Variants in CYP46A1 observed in about 807,000 individuals in gnomAD.
CYP46A1 encodes cholesterol 24-hydroxylase.
In CYP46A1, 20 loss-of-function variants were observed where a neutral mutation model predicts 63.3. The observed-to-expected ratio is 0.32, with a 90% CI of 0.22 to 0.46. CYP46A1 has a LOEUF of 0.46. CYP46A1 is among the 20% of genes least tolerant of loss of function. The probability of loss-of-function intolerance (pLI) is 1.00; values close to 1 mark genes in which losing one functional copy is unlikely to be tolerated. For synonymous variants in CYP46A1, 268 were observed against 273.6 expected, an observed-to-expected ratio of 0.98 and a Z score of 0.20; for missense variants, 445 against 670.8, an observed-to-expected ratio of 0.66 and a Z score of 3.72.
At chr14:99,720,459 CTTTTTTTTT>C (rs34168201) in intron 10 of CYP46A1, among the ~76,000 whole-genome samples, 1 of 127,386 alleles carries the variant, frequency 7.9e-6, no homozygotes, top group Admixed American at 8.4e-5. Flanking sequence ...CAGATCCACT[CTTTTTTTTT>C]TTTTTTTTTG....
intron 1 of CYP46A1, among the ~76,000 whole-genome samples, chr14:99,689,182 T>C (rs1282905082): frequency 6.6e-6 from 1 of 152,082 alleles, no homozygotes; most frequent in Non-Finnish European, 1.5e-5. Context: ...AACTTCCTGC[T>C]CAATAGTCCA....
Position 99,727,094 on chromosome 14 carries a change from CCCT to C in CYP46A1, c.*372_*374del, listed in dbSNP as rs2140147230. The C allele has an allele frequency of 4.1e-6, 1 of 242,630 alleles. No homozygotes were observed. The highest frequency in any genetic ancestry group is 7.6e-5 in the East Asian group (1 of 13,244). The allele number at this position is 242,630 out of a possible 1,614,324, so 15.0% of individuals were successfully genotyped here. ...CTTGCCACCCCCCGCCGGCAGGGGC[CCCT>C]CCTCTGTGCTCCCTCGGTCACCTGT... On this transcript the variant is annotated 3_prime_UTR_variant, in exon 15 of 15. Coordinates refer to ENST00000261835, the MANE Select transcript of CYP46A1 (RefSeq NM_006668.2).
intron 3 of CYP46A1, among the ~76,000 whole-genome samples, chr14:99,692,602 G>A (rs2140114442): frequency 6.6e-6 from 1 of 150,842 alleles, no homozygotes; most frequent in South Asian, 2.1e-4. Context: ...GGCTGAGGCT[G>A]GTGGATCACC....
chr14:99,684,767 C>T (rs1283556347), intron 1 of CYP46A1: 19 of 624,894 alleles, frequency 3.0e-5, no homozygotes, highest in Middle Eastern at 2.5e-4. Context: ...GTGATGGCAG[C>T]CACAGCCCTT....
At chr14:99,691,601 A>T in intron 2 of CYP46A1, 179 bp from the exon 3 acceptor site, 1 of 615,264 alleles carries the variant, frequency 1.6e-6, no homozygotes, top group East Asian at 2.8e-5. Context: ...TGACTCGGCA[A>T]GTGAGCAACA....
chr14:99,692,882 T>G (rs1367549436), intron 3 of CYP46A1, among the ~76,000 whole-genome samples: 2 of 151,930 alleles, frequency 1.3e-5, no homozygotes, highest in African/African-American at 4.8e-5. Flanking sequence ...CAGGTGGCAT[T>G]GTCTGTCCTG....
At chr14:99,702,846 G>T (rs2056643976) in intron 5 of CYP46A1, among the ~76,000 whole-genome samples, 1 of 152,092 alleles carries the variant, frequency 6.6e-6, no homozygotes, top group African/African-American at 2.4e-5. Flanking sequence ...ATCTAATACT[G>T]TTATCTAATT....
intron 6 of CYP46A1, among the ~76,000 whole-genome samples, chr14:99,707,349 A>G (rs923373371): frequency 6.6e-6 from 1 of 152,240 alleles, no homozygotes; most frequent in Non-Finnish European, 1.5e-5. Flanking sequence ...TTGTCAAGGA[A>G]GAAAGCCAAG....
intron 5 of CYP46A1, among the ~76,000 whole-genome samples, chr14:99,701,004 C>T (rs2056626316): frequency 6.6e-6 from 1 of 151,858 alleles, no homozygotes. Context: ...TTTTTCACAA[C>T]AAAGTTTTAA....
chr14:99,726,951 C>A lies in CYP46A1; in HGVS notation c.*224C>A. The A allele has an allele frequency of 4.6e-6, 2 of 432,588 alleles. No individual in the cohort carries two copies. The highest frequency in any genetic ancestry group is 8.1e-6 in the Non-Finnish European group (2 of 246,356). The allele number at this position is 432,588 out of a possible 1,614,324, so 26.8% of individuals were successfully genotyped here. Reference sequence around the variant, plus strand: ...GACTGGCCCTTGCCCAACTCCCAGCCACCACCACTGTCCCTACCACTGAGC... The same window carrying A: ...GACTGGCCCTTGCCCAACTCCCAGCAACCACCACTGTCCCTACCACTGAGC... On this transcript the variant is annotated 3_prime_UTR_variant, in exon 15 of 15. Coordinates refer to ENST00000261835, the MANE Select transcript of CYP46A1 (RefSeq NM_006668.2).
rs369066335 is a variant in CYP46A1, at chr14:99,726,683, C to A, written c.1459C>A (p.Arg487=). ...ACTGGACCCCGTGCTGTGCACCCTG[C>A]GGCCCCGCGGCTGGCAGCCCGCACC... ...KPLDPVLCTL[R]PRGWQPAPPP... The change falls in exon 15 of 15, where the codon CGG becomes AGG. Residue 487 remains arginine, a synonymous_variant. Coordinates refer to ENST00000261835, the MANE Select transcript of CYP46A1 (RefSeq NM_006668.2). The A allele has an allele frequency of 1.3e-6, 2 of 1,547,974 alleles. No individual in the cohort carries two copies. Among genetic ancestry groups the A allele is most frequent in the South Asian group, 2.4e-5 (2 of 83,764 alleles).
In CYP46A1 at chr14:99,716,157, G is replaced by A. The variant is rs761184361; in HGVS notation, c.865G>A (p.Asp289Asn). The A allele has an allele frequency of 6.2e-7, 1 of 1,614,250 alleles. No homozygotes were observed. Residue 289 changes from aspartate to asparagine, a missense_variant, in exon 9 of 15, where the codon GAC becomes AAC. Around this residue, in one of 4 missense-constraint regions of CYP46A1, gnomAD observed 13 missense variants for 50.5 expected, o/e 0.26. Transcript: ENST00000261835. ...TTCAGCTGAAGAGGGAGCCCAGGAC[G>A]ACGAGGGTCTGCTGGACAACTTCGT... ...ILKAEEGAQDDEGLLDNFVTF... is the reference protein window; with the variant it reads ...ILKAEEGAQDNEGLLDNFVTF...
chr14:99,692,365 C>G (rs1007263021), intron 3 of CYP46A1, among the ~76,000 whole-genome samples: 1 of 152,214 alleles, frequency 6.6e-6, no homozygotes, highest in South Asian at 2.1e-4. Flanking sequence ...ATGGTGAAAC[C>G]TCATCTCTAC....
chr14:99,707,833 T>G, intron 7 of CYP46A1, 155 bp downstream of exon 7: 3 of 616,808 alleles, frequency 4.9e-6, no homozygotes, highest in South Asian at 2.1e-5. Flanking sequence ...TTGCATGCAT[T>G]GCCTAAAGTA....
In CYP46A1 at chr14:99,726,158, G is replaced by A. The variant is rs1276027428; in HGVS notation, c.1266-32G>A. On this transcript the variant is annotated intron_variant, in intron 13 of 14. Coordinates refer to ENST00000261835, the MANE Select transcript of CYP46A1 (RefSeq NM_006668.2). ...TGTTCCTGTGGGGACGCCTGGGGCT[G>A]CTGGCCTCGTGATTCCTCTCTTTCC... 4.4e-6 allele frequency: 7 copies of A among 1,598,898 alleles called. No homozygotes were observed. In the African/African-American group the frequency reaches 5.4e-5, roughly 12 times the overall value.
intron 5 of CYP46A1, 24 bp downstream of exon 5, chr14:99,700,125 G>A (rs1481015286): frequency 6.4e-7 from 1 of 1,573,750 alleles, no homozygotes; most frequent in Non-Finnish European, 8.7e-7. Context: ...GAGGCTCCGT[G>A]GCTCCTGCCT....
intron 3 of CYP46A1, among the ~76,000 whole-genome samples, chr14:99,695,160 T>A (rs143087032): frequency 2.6e-5 from 4 of 152,248 alleles, no homozygotes; most frequent in Non-Finnish European, 4.4e-5. Flanking sequence ...ATACTCATCA[T>A]CATGATTTCA....
chr14:99,684,585 C>A, intron 1 of CYP46A1, 49 bp downstream of exon 1: 1 of 1,393,796 alleles, frequency 7.2e-7, no homozygotes, highest in Non-Finnish European at 9.5e-7. Flanking sequence ...GGACTGGGGG[C>A]CTGGGGACAG....
intron 4 of CYP46A1, 57 bp downstream of exon 4, chr14:99,699,596 G>A: frequency 1.3e-6 from 2 of 1,568,060 alleles, no homozygotes; most frequent in African/African-American, 1.4e-5. Context: ...TGCTGTGAGT[G>A]AGGGCCAGTG....
Sources: gnomAD v4.1 joint callset for allele counts (sites outside exome capture counted in the v4.1 genomes callset) on GRCh38, gnomAD v4.1.1 for gene constraint, gnomAD v4.1.1 regional missense constraint, MANE v1.5 for transcripts, NCBI Gene and HGNC (gene_info 2026-07-23, HGNC 2026-07-21) for gene names.